The following BABAM2 variants were observed in gnomAD, a reference collection of about 807,000 sequenced individuals.
BABAM2 encodes BRISC and BRCA1-A complex member 2.
Under a neutral mutation model 54.7 loss-of-function variants are expected in BABAM2, and 31 were observed. The observed-to-expected ratio is 0.57, with a 90% CI of 0.43 to 0.77. The LOEUF (loss-of-function observed/expected upper bound fraction) is 0.77, where lower values mean the gene tolerates loss of function less well. BABAM2 is among the 30% of genes least tolerant of loss of function. BABAM2 has a pLI of 0.00. For synonymous variants in BABAM2, 167 were observed against 162.9 expected, an observed-to-expected ratio of 1.03 and a Z score of -0.19; for missense variants, 364 against 455.8, an observed-to-expected ratio of 0.80 and a Z score of 1.83.
At chr2:28,026,959 A>AATATATATATATAAAT (rs374899033) in intron 5 of BABAM2, among the ~76,000 whole-genome samples, 407 of 9,226 alleles carry the variant, frequency 0.044, 23 homozygotes, top group African/African-American at 0.066. Flanking sequence ...AATATATATA[A>AATATATATATATAAAT]ATATATATAT....
rs998843828 is a variant in BABAM2 at position 28,126,045 on chromosome 2, T to TGA, written c.571-3220_571-3219dup. Among the ~76,000 whole-genome samples the TGA allele has an allele frequency of 1.6e-4, 25 of 152,126 alleles. No individual in the cohort carries two copies. The South Asian group carries it at 4.8e-3, about 29-fold the overall frequency. On this transcript the variant is annotated intron_variant, in intron 6 of 11. Coordinates refer to ENST00000379624, the MANE Select transcript of BABAM2 (RefSeq NM_199191.3). The stretch of plus-strand genomic sequence containing the variant: ...TATTGGTTACCTTGAAAAGTGGGGG[T>TGA]GAGAGAGGGGTGGAAGAGCTTTTAC...
At chr2:28,250,440 G>A (rs901059169) in intron 10 of BABAM2, among the ~76,000 whole-genome samples, 4 of 149,074 alleles carry the variant, frequency 2.7e-5, no homozygotes, top group Admixed American at 6.7e-5. Context: ...CTTCATTCTG[G>A]TAAAATATAG....
intron 3 of BABAM2, among the ~76,000 whole-genome samples, chr2:27,936,715 G>A (rs183550072): frequency 0.011 from 1,604 of 151,828 alleles, 23 homozygotes; most frequent in African/African-American, 0.037. Flanking sequence ...GCCAAACACC[G>A]CATGTTCTCA....
intron 11 of BABAM2, among the ~76,000 whole-genome samples, chr2:28,316,270 G>A (rs1046890130): frequency 6.6e-6 from 1 of 152,078 alleles, no homozygotes; most frequent in Non-Finnish European, 1.5e-5. Flanking sequence ...TGCTAGCCTT[G>A]TCTCTCGGGT....
chr2:28,262,676 A>T (rs202051686), intron 10 of BABAM2, among the ~76,000 whole-genome samples: 1 of 152,112 alleles, frequency 6.6e-6, no homozygotes, highest in East Asian at 1.9e-4. Context: ...TCCGTTAGGG[A>T]TATAATGAGT....
At chr2:28,089,028 G>A (rs1224786950) in intron 6 of BABAM2, among the ~76,000 whole-genome samples, 1 of 151,474 alleles carries the variant, frequency 6.6e-6, no homozygotes, top group Non-Finnish European at 1.5e-5. Flanking sequence ...TGTAAAAGTA[G>A]TGCATTTAGG....
At chr2:28,207,828 G>T (rs1243893841) in intron 7 of BABAM2, among the ~76,000 whole-genome samples, 1 of 152,012 alleles carries the variant, frequency 6.6e-6, no homozygotes, top group African/African-American at 2.4e-5. Flanking sequence ...TTAAAATACA[G>T]GTATGTCTAG....
chr2:28,126,459 C>CA (rs1669547933), intron 6 of BABAM2, among the ~76,000 whole-genome samples: 2 of 147,712 alleles, frequency 1.4e-5, no homozygotes, highest in Admixed American at 1.3e-4. Context: ...CATGTCCCTA[C>CA]AAAGGACATG....
intron 7 of BABAM2, among the ~76,000 whole-genome samples, chr2:28,176,126 A>G (rs1674914900): frequency 6.6e-6 from 1 of 152,238 alleles, no homozygotes; most frequent in African/African-American, 2.4e-5. Flanking sequence ...CTTTTGCACC[A>G]AATGTGCAGA....
chr2:28,177,904 G>T (rs1311449591), intron 7 of BABAM2, among the ~76,000 whole-genome samples: 4 of 151,982 alleles, frequency 2.6e-5, no homozygotes, highest in African/African-American at 9.6e-5. Flanking sequence ...GATAAAGAAG[G>T]TCATTATATA....
intron 10 of BABAM2, among the ~76,000 whole-genome samples, chr2:28,278,418 A>G (rs1416600007): frequency 6.6e-6 from 1 of 152,214 alleles, no homozygotes; most frequent in East Asian, 1.9e-4. Flanking sequence ...AGTAGAATCA[A>G]AAGGACTTGG....
intron 7 of BABAM2, among the ~76,000 whole-genome samples, chr2:28,216,944 G>A (rs1679976829): frequency 6.6e-6 from 1 of 151,828 alleles, no homozygotes; most frequent in African/African-American, 2.4e-5. Flanking sequence ...CTTCACATTC[G>A]CTCTGCCAGA....
At chr2:28,071,732 G>A (rs1352308362) in intron 6 of BABAM2, among the ~76,000 whole-genome samples, 7 of 152,106 alleles carry the variant, frequency 4.6e-5, no homozygotes, top group African/African-American at 9.7e-5. Context: ...TATTTATTCC[G>A]TTTTCAAGAT....
chr2:28,080,558 C>T (rs538837201), intron 6 of BABAM2, among the ~76,000 whole-genome samples: 8 of 152,088 alleles, frequency 5.3e-5, no homozygotes, highest in Admixed American at 2.0e-4. Flanking sequence ...CTGATGATGG[C>T]TTTTTTTGGT....
At chr2:28,264,668 T>C (rs1684824723) in intron 10 of BABAM2, among the ~76,000 whole-genome samples, 1 of 152,156 alleles carries the variant, frequency 6.6e-6, no homozygotes. Context: ...AACACTGTAT[T>C]TACAAGAAGA....
intron 6 of BABAM2, among the ~76,000 whole-genome samples, chr2:28,072,574 AC>A (rs1664258785): frequency 6.6e-6 from 1 of 151,986 alleles, no homozygotes; most frequent in Admixed American, 6.6e-5. Flanking sequence ...TTTAGTAGAG[AC>A]GGGGTTTCAC....
At chr2:28,198,338 G>GT (rs770528025) in intron 7 of BABAM2, among the ~76,000 whole-genome samples, 2 of 152,010 alleles carry the variant, frequency 1.3e-5, no homozygotes, top group Non-Finnish European at 2.9e-5. Flanking sequence ...CTAATTTTTT[G>GT]TATTTTTTTA....
intron 2 of BABAM2, among the ~76,000 whole-genome samples, chr2:27,899,836 T>C (rs901854792): frequency 6.6e-6 from 1 of 152,212 alleles, no homozygotes; most frequent in African/African-American, 2.4e-5. Flanking sequence ...ATTTAATATG[T>C]ATGGAATTTA....
At chr2:27,945,231 G>A (rs1215871657) in intron 3 of BABAM2, among the ~76,000 whole-genome samples, 1 of 151,900 alleles carries the variant, frequency 6.6e-6, no homozygotes, top group African/African-American at 2.4e-5. Flanking sequence ...GTTTCACTGT[G>A]TTGCCCAGGC....
Sources: gnomAD v4.1 joint callset for allele counts (sites outside exome capture counted in the v4.1 genomes callset) on GRCh38, gnomAD v4.1.1 for gene constraint, MANE v1.5 for transcripts, NCBI Gene and HGNC (gene_info 2026-07-23, HGNC 2026-07-21) for gene names.